The following MAGI2 variants were observed in gnomAD, a reference collection of about 807,000 sequenced individuals.
The protein encoded by MAGI2 is membrane associated guanylate kinase, WW and PDZ domain containing 2.
MAGI2 carries 35 observed loss-of-function variants against 133.3 expected under a neutral mutation model. That is an observed-to-expected ratio of 0.26 (90% CI 0.20 to 0.35). The LOEUF is 0.35. MAGI2 is among the 10% of genes least tolerant of loss of function. The pLI is 1.00. For missense variants in MAGI2, 1,636 were observed against 1,863.4 expected, an observed-to-expected ratio of 0.88 and a Z score of 2.25; for synonymous variants, 729 against 710.6, an observed-to-expected ratio of 1.03 and a Z score of -0.41.
At chr7:79,161,740 T>C (rs1824374631) in intron 1 of MAGI2, among the ~76,000 whole-genome samples, 1 of 152,086 alleles carries the variant, frequency 6.6e-6, no homozygotes, top group Non-Finnish European at 1.5e-5. Flanking sequence ...TTAAGTTATT[T>C]GGGTGAAGTA....
chr7:78,813,122 C>A (rs1016646007), intron 2 of MAGI2, among the ~76,000 whole-genome samples: 4 of 152,068 alleles, frequency 2.6e-5, no homozygotes, highest in Non-Finnish European at 5.9e-5. Context: ...CAAATTCTCT[C>A]AAATATTTTA....
chr7:78,627,777 C>G (rs1808529648), intron 2 of MAGI2, among the ~76,000 whole-genome samples: 1 of 152,064 alleles, frequency 6.6e-6, no homozygotes, highest in Non-Finnish European at 1.5e-5. Flanking sequence ...TTTAAAGGAT[C>G]GCAAAACCTT....
intron 6 of MAGI2, among the ~76,000 whole-genome samples, chr7:78,389,324 A>T (rs1051887885): frequency 2.0e-5 from 3 of 152,210 alleles, no homozygotes; most frequent in Non-Finnish European, 2.9e-5. Context: ...AGGGACACAA[A>T]GAATGTACTA....
At chr7:79,203,245 G>T (rs1343495102) in intron 1 of MAGI2, among the ~76,000 whole-genome samples, 1 of 151,878 alleles carries the variant, frequency 6.6e-6, no homozygotes, top group East Asian at 1.9e-4. Flanking sequence ...CTTCTTATTT[G>T]CATTTATTTA....
At chr7:79,128,260 T>A (rs1820609148) in intron 1 of MAGI2, among the ~76,000 whole-genome samples, 1 of 152,146 alleles carries the variant, frequency 6.6e-6, no homozygotes, top group Admixed American at 6.5e-5. Context: ...TGGTTTAGTT[T>A]TTACTGGTAA....
At chr7:78,353,457 G>A (rs1791730912) in intron 7 of MAGI2, among the ~76,000 whole-genome samples, 1 of 152,194 alleles carries the variant, frequency 6.6e-6, no homozygotes, top group Admixed American at 6.5e-5. Flanking sequence ...GGACTAAGGA[G>A]TTTCCTGGGA....
rs374488702 is a variant in MAGI2 at position 78,929,052 on chromosome 7, T to C, written c.418+78038A>G. Reference sequence around the variant, plus strand: ...AGGTTAAAAAATTCCAATGGAATATTAAAGAATAATGTTATAAATCCAGAA... The same window carrying C: ...AGGTTAAAAAATTCCAATGGAATATCAAAGAATAATGTTATAAATCCAGAA... On this transcript the variant is annotated intron_variant, in intron 2 of 21. Transcript: ENST00000354212. 1.3e-3 allele frequency among the ~76,000 whole-genome samples: 203 copies of C among 152,190 alleles called. 9 individuals carry two copies. In the South Asian group the frequency reaches 0.041, roughly 31 times the overall value.
At chr7:78,507,427 G>C (rs1795185155) in intron 4 of MAGI2, among the ~76,000 whole-genome samples, 1 of 152,058 alleles carries the variant, frequency 6.6e-6, no homozygotes, top group African/African-American at 2.4e-5. Context: ...AAGAAAAGGG[G>C]AACTGAGCCA....
At chr7:78,061,839 T>G (rs893646977) in intron 21 of MAGI2, among the ~76,000 whole-genome samples, 3 of 152,176 alleles carry the variant, frequency 2.0e-5, no homozygotes, top group Middle Eastern at 3.2e-3. Context: ...ACAGTGTTAG[T>G]TGTTACAGGG....
chr7:79,102,609 T>C (rs1818078819), intron 1 of MAGI2, among the ~76,000 whole-genome samples: 1 of 152,226 alleles, frequency 6.6e-6, no homozygotes, highest in Admixed American at 6.5e-5. Context: ...TTTGCCTTTC[T>C]ACCCAAAAAG....
chr7:79,423,800 T>C (rs918672119), intron 1 of MAGI2, among the ~76,000 whole-genome samples: 13 of 152,080 alleles, frequency 8.5e-5, no homozygotes, highest in Admixed American at 7.9e-4. Flanking sequence ...AATATCCTTA[T>C]GGTTTATGCC....
chr7:79,163,244 C>T (rs1824563405), intron 1 of MAGI2, among the ~76,000 whole-genome samples: 1 of 152,052 alleles, frequency 6.6e-6, no homozygotes, highest in Admixed American at 6.6e-5. Context: ...GGCTCAATCT[C>T]AGATCACGAT....
chr7:78,368,007 T>C (rs1376922640), intron 7 of MAGI2, among the ~76,000 whole-genome samples: 1 of 152,204 alleles, frequency 6.6e-6, no homozygotes, highest in Non-Finnish European at 1.5e-5. Flanking sequence ...CATTAGATAC[T>C]ATGCTAGCAG....
intron 5 of MAGI2, among the ~76,000 whole-genome samples, chr7:78,492,152 C>G (rs761221698): frequency 5.3e-5 from 8 of 152,036 alleles, no homozygotes; most frequent in African/African-American, 9.7e-5. Context: ...CTATTGCACA[C>G]CACCATGGGT....
At chr7:78,962,504 C>T (rs1015967988) in intron 2 of MAGI2, among the ~76,000 whole-genome samples, 3 of 148,980 alleles carry the variant, frequency 2.0e-5, no homozygotes, top group Non-Finnish European at 4.4e-5. Flanking sequence ...TTCTGCAATG[C>T]TTATGTTTTT....
intron 1 of MAGI2, among the ~76,000 whole-genome samples, chr7:79,359,139 T>C (rs1332602478): frequency 1.3e-5 from 2 of 152,042 alleles, no homozygotes; most frequent in African/African-American, 4.8e-5. Flanking sequence ...TTAAAAAATC[T>C]CCAAGAAAGT....
At chr7:79,070,795 A>G (rs1181896008) in intron 1 of MAGI2, among the ~76,000 whole-genome samples, 1 of 152,030 alleles carries the variant, frequency 6.6e-6, no homozygotes, top group Non-Finnish European at 1.5e-5. Flanking sequence ...CCAGCCCATC[A>G]GGTCATTTAT....
At chr7:78,324,463 T>C (rs994189437) in intron 9 of MAGI2, among the ~76,000 whole-genome samples, 4 of 152,214 alleles carry the variant, frequency 2.6e-5, no homozygotes, top group African/African-American at 9.6e-5. Context: ...TGGTGTGATC[T>C]TGAGCTAGTT....
chr7:78,287,274 A>G (rs1448449367), intron 9 of MAGI2, among the ~76,000 whole-genome samples: 1 of 152,196 alleles, frequency 6.6e-6, no homozygotes, highest in Admixed American at 6.6e-5. Flanking sequence ...TTAAATGTGG[A>G]GTTCAGAGAG....
Sources: gnomAD v4.1 joint callset for allele counts (sites outside exome capture counted in the v4.1 genomes callset) on GRCh38, gnomAD v4.1.1 for gene constraint, MANE v1.5 for transcripts, NCBI Gene and HGNC (gene_info 2026-07-23, HGNC 2026-07-21) for gene names.